ONECUT3: variants seen among roughly 807,000 people sequenced by gnomAD.
ONECUT3 encodes the protein one cut domain family member 3.
Under a neutral mutation model 16.8 loss-of-function variants are expected in ONECUT3, and 11 were observed. The ratio of observed to expected loss-of-function variants is 0.66; its 90% CI spans 0.41 to 1.09. The LOEUF is 1.09. Ranked by LOEUF, ONECUT3 falls within the 50% of genes least tolerant of loss-of-function variation. The pLI is 0.00. For synonymous variants in ONECUT3, 344 were observed against 310.7 expected, an observed-to-expected ratio of 1.11 and a Z score of -1.13; for missense variants, 637 against 629.9, an observed-to-expected ratio of 1.01 and a Z score of -0.12.
rs1259733543 is a variant in ONECUT3 at position 1,764,037 on chromosome 19, C to G, written c.1192+9183C>G. On this transcript the variant is annotated intron_variant, in intron 1 of 1. Coordinates refer to ENST00000382349, the MANE Select transcript of ONECUT3 (RefSeq NM_001080488.2). The surrounding 1 kb of genome is among the most constrained non-coding windows in gnomAD (Gnocchi z 5.0). The stretch of plus-strand genomic sequence containing the variant: ...AAACGCTGGGTCAGCCTCCCCAGCC[C>G]CTTTCTGGGTGGCCGCTTCAGCCGC... Among the ~76,000 whole-genome samples the G allele has an allele frequency of 1.3e-5, 2 of 152,212 alleles. No individual in the cohort carries two copies. Among genetic ancestry groups the G allele is most frequent in the Non-Finnish European group, 2.9e-5 (2 of 68,036 alleles).
chr19:1,776,387 T>A lies in ONECUT3; in HGVS notation c.*942T>A, dbSNP rs1406405941. On this transcript the variant is annotated 3_prime_UTR_variant, in exon 2 of 2. Transcript: ENST00000382349. This position sits in a 1 kb window ranked among gnomAD's most constrained non-coding sequence, Gnocchi z 4.9. ...CGCTGGGGCCGCCCGGAGGAGCCCC[T>A]CTGCACGGGCCCGTGGAGACGCTTC... 6.6e-6 allele frequency: 1 copy of A among 152,088 alleles called. No individual in the cohort carries two copies. The highest frequency in any genetic ancestry group is 1.5e-5 in the Non-Finnish European group (1 of 68,060). 9.4% of individuals were successfully genotyped at this position (152,088 alleles called of 1,614,324 possible).
rs533098803 is a variant in ONECUT3, at chr19:1,765,647, C to A, written c.1193-9506C>A. Among the ~76,000 whole-genome samples, 164 of 152,330 alleles carry A rather than the reference C, an allele frequency of 1.1e-3. 1 individual carries two copies. Among genetic ancestry groups the A allele is most frequent in the African/African-American group, 3.8e-3 (160 of 41,580 alleles). ...TGGATGAGTCGGTTGCAGGTCCGTGCTTCGGCGTTCATTCCTTCGTGACTC... is the reference window on the plus strand; with the variant it reads ...TGGATGAGTCGGTTGCAGGTCCGTGATTCGGCGTTCATTCCTTCGTGACTC... On this transcript the variant is annotated intron_variant, in intron 1 of 1. Transcript: ENST00000382349.
chr19:1,780,558 C>G lies in ONECUT3; in HGVS notation c.*5113C>G, dbSNP rs2068148885. 6.6e-6 allele frequency: 1 copy of G among 152,272 alleles called. No homozygotes were observed. Among genetic ancestry groups the G allele is most frequent in the Non-Finnish European group, 1.5e-5 (1 of 68,106 alleles). 9.4% of individuals were successfully genotyped at this position (152,272 alleles called of 1,614,324 possible). On this transcript the variant is annotated 3_prime_UTR_variant, in exon 2 of 2. Transcript: ENST00000382349. Reference sequence around the variant, plus strand: ...GGCGGGGTAGCTAAACGGGGTGCTTCTCACCCCATAAAGCAGCAAGCCCTG... The same window carrying G: ...GGCGGGGTAGCTAAACGGGGTGCTTGTCACCCCATAAAGCAGCAAGCCCTG...
At position 1,775,598 on chromosome 19, in the gene ONECUT3, G is replaced by GCA. The variant is rs2068099859; in HGVS notation, c.*157_*158dup. 2.7e-5 allele frequency: 18 copies of GCA among 672,862 alleles called. No individual in the cohort carries two copies. The South Asian group carries it at 4.0e-4, about 15-fold the overall frequency. 41.7% of individuals were successfully genotyped at this position (672,862 alleles called of 1,614,324 possible). On this transcript the variant is annotated 3_prime_UTR_variant, in exon 2 of 2. Transcript: ENST00000382349. ...CCCCACACCCGGGGAGGGGGAAGCAGCACACCCCCCAGCCCAAGTGCACAA... is the reference window on the plus strand; with the variant it reads ...CCCCACACCCGGGGAGGGGGAAGCAGCACACACCCCCCAGCCCAAGTGCACAA...
rs375248062 is a variant in ONECUT3, at chr19:1,759,906, G to A, written c.1192+5052G>A. 3.3e-5 allele frequency among the ~76,000 whole-genome samples: 5 copies of A among 152,220 alleles called. No homozygotes were observed. The highest frequency in any genetic ancestry group is 1.9e-4 in the East Asian group (1 of 5,160). ...ACCAGACCCACGTGGGGCTGCGCGC[G>A]AGACTCAGGTGACTCTGGTGCCCCC... is the stretch of plus-strand genomic sequence containing the variant. On this transcript the variant is annotated intron_variant, in intron 1 of 1. Transcript: ENST00000382349. The surrounding 1 kb of genome is among the most constrained non-coding windows in gnomAD (Gnocchi z 4.1).
chr19:1,769,809 G>C (rs1043326445), intron 1 of ONECUT3, among the ~76,000 whole-genome samples: 2 of 152,106 alleles, frequency 1.3e-5, no homozygotes, highest in African/African-American at 2.4e-5. Flanking sequence ...GCCGGGAAGG[G>C]GGGCAGCAGA....
At chr19:1,760,179 G>T (rs532938755) in intron 1 of ONECUT3, among the ~76,000 whole-genome samples, 3 of 152,346 alleles carry the variant, frequency 2.0e-5, no homozygotes, top group East Asian at 3.9e-4. Flanking sequence ...AGAGAAAGGC[G>T]CTTGCCAGAG....
intron 1 of ONECUT3, among the ~76,000 whole-genome samples, chr19:1,767,661 G>A (rs1049679530): frequency 3.9e-5 from 6 of 152,322 alleles, no homozygotes; most frequent in African/African-American, 1.2e-4. Context: ...ATAACTGAGC[G>A]AAGGGGCGGC....
rs372326280 is a variant in ONECUT3 at position 1,761,243 on chromosome 19, G to A, written c.1192+6389G>A. On this transcript the variant is annotated intron_variant, in intron 1 of 1. Coordinates refer to ENST00000382349, the MANE Select transcript of ONECUT3 (RefSeq NM_001080488.2). ...AATTTTTGTGTTTTTAGTAGAGACCGGGTTTCACCACGTTGACCAGGCTGG... is the reference window on the plus strand; with the variant it reads ...AATTTTTGTGTTTTTAGTAGAGACCAGGTTTCACCACGTTGACCAGGCTGG... Among the ~76,000 whole-genome samples, 37 of 150,524 alleles carry A rather than the reference G, an allele frequency of 2.5e-4. 1 individual carries two copies. The highest frequency in any genetic ancestry group is 6.3e-4 in the African/African-American group (25 of 39,980).
intron 1 of ONECUT3, among the ~76,000 whole-genome samples, chr19:1,765,967 C>T (rs1456623612): frequency 1.3e-5 from 2 of 152,250 alleles, no homozygotes; most frequent in East Asian, 3.8e-4. Context: ...CACGTCCACA[C>T]CGCGAGCCAG....
At chr19:1,769,412 G>A (rs968160554) in intron 1 of ONECUT3, among the ~76,000 whole-genome samples, 7 of 152,070 alleles carry the variant, frequency 4.6e-5, no homozygotes, top group African/African-American at 1.7e-4. Flanking sequence ...GGTGGGCCCT[G>A]GCAGCATGAG....
Position 1,766,896 on chromosome 19 carries a change from C to T in ONECUT3, c.1193-8257C>T, listed in dbSNP as rs940247034. On this transcript the variant is annotated intron_variant, in intron 1 of 1. Coordinates refer to ENST00000382349, the MANE Select transcript of ONECUT3 (RefSeq NM_001080488.2). This position sits in a 1 kb window ranked among gnomAD's most constrained non-coding sequence, Gnocchi z 4.0. ...ACTCACTCAGCCACTGCTATACCTC[C>T]GCTCTGTGCTGGGCCACAGAAAGAT... Among the ~76,000 whole-genome samples, 11 of 152,114 alleles carry T rather than the reference C, an allele frequency of 7.2e-5. No homozygotes were observed. The highest frequency in any genetic ancestry group is 2.7e-4 in the African/African-American group (11 of 41,424).
rs2067909603 is a variant in ONECUT3, at chr19:1,755,034, G to A, written c.1192+180G>A. ...ATCCGCGCCGCTGCCCGTTTGTACC[G>A]TTGCCAAAAGGGAGAAAGGGATTGT... On this transcript the variant is annotated intron_variant, in intron 1 of 1. Coordinates refer to ENST00000382349, the MANE Select transcript of ONECUT3 (RefSeq NM_001080488.2). This position sits in a 1 kb window ranked among gnomAD's most constrained non-coding sequence, Gnocchi z 7.5. Among the ~76,000 whole-genome samples, 1 of 151,962 alleles carries A rather than the reference G, an allele frequency of 6.6e-6. No individual in the cohort carries two copies. The highest frequency in any genetic ancestry group is 2.4e-5 in the African/African-American group (1 of 41,386).
chr19:1,758,562 G>C lies in ONECUT3; in HGVS notation c.1192+3708G>C, dbSNP rs1267034153. On this transcript the variant is annotated intron_variant, in intron 1 of 1. Transcript: ENST00000382349. The surrounding 1 kb of genome is among the most constrained non-coding windows in gnomAD (Gnocchi z 5.9). ...TACCCATCTGTAAAATGTGCGTGTG[G>C]TGGGCCGAATTCTGGGTCTGACACT... Among the ~76,000 whole-genome samples the C allele has an allele frequency of 6.6e-6, 1 of 152,178 alleles. No individual in the cohort carries two copies. The highest frequency in any genetic ancestry group is 1.5e-5 in the Non-Finnish European group (1 of 68,032).
chr19:1,760,806 C>T (rs918469594), intron 1 of ONECUT3, among the ~76,000 whole-genome samples: 2 of 152,118 alleles, frequency 1.3e-5, no homozygotes, highest in African/African-American at 4.8e-5. Context: ...CAGGGACGCT[C>T]GCCCCCAACA....
At position 1,762,980 on chromosome 19, in the gene ONECUT3, G is replaced by A. The variant is rs2067954487; in HGVS notation, c.1192+8126G>A. Among the ~76,000 whole-genome samples, 1 of 152,160 alleles carries A rather than the reference G, an allele frequency of 6.6e-6. No individual in the cohort carries two copies. The highest frequency in any genetic ancestry group is 2.4e-5 in the African/African-American group (1 of 41,418). Reference sequence around the variant, plus strand: ...CAAACCTGTAGTCCCAGCACTTTGGGAGGCCAAGGCAAGAGGATCTCTTGA... The same window carrying A: ...CAAACCTGTAGTCCCAGCACTTTGGAAGGCCAAGGCAAGAGGATCTCTTGA... On this transcript the variant is annotated intron_variant, in intron 1 of 1. Coordinates refer to ENST00000382349, the MANE Select transcript of ONECUT3 (RefSeq NM_001080488.2). This position sits in a 1 kb window ranked among gnomAD's most constrained non-coding sequence, Gnocchi z 4.4.
rs1168686354 is a variant in ONECUT3, at chr19:1,779,937, C to G, written c.*4492C>G. On this transcript the variant is annotated 3_prime_UTR_variant, in exon 2 of 2. Transcript: ENST00000382349. ...GGCGGGAGCCACCGAGCGTCCCCCC[C>G]TCAGTTCCTGGTTCTTGGGGGCACT... is the stretch of plus-strand genomic sequence containing the variant. The G allele has an allele frequency of 6.6e-6, 1 of 152,132 alleles. No homozygotes were observed. The allele number at this position is 152,132 out of a possible 1,614,324, so 9.4% of individuals were successfully genotyped here.
intron 1 of ONECUT3, among the ~76,000 whole-genome samples, chr19:1,772,738 G>C (rs905941621): frequency 1.6e-5 from 2 of 126,226 alleles, no homozygotes; most frequent in Non-Finnish European, 3.2e-5. Flanking sequence ...TTGTTGCCCA[G>C]GCTGAAATGC....
intron 1 of ONECUT3, among the ~76,000 whole-genome samples, chr19:1,773,823 G>T (rs1436222412): frequency 6.6e-6 from 1 of 151,766 alleles, no homozygotes; most frequent in Non-Finnish European, 1.5e-5. Context: ...AGTGGGGGAA[G>T]CCTGTGTTTT....
Sources: allele counts gnomAD v4.1 joint callset (sites outside exome capture counted in the v4.1 genomes callset), GRCh38; gene constraint gnomAD v4.1.1; non-coding constraint Gnocchi (gnomAD v3.1); transcripts MANE v1.5; gene names NCBI Gene and HGNC (gene_info 2026-07-23, HGNC 2026-07-21).